Variants in PLAAT5 observed in about 807,000 individuals in gnomAD.
The protein encoded by PLAAT5 is phospholipase A and acyltransferase 5.
A neutral mutation model predicts 27.8 loss-of-function variants in PLAAT5; 27 were observed. The ratio of observed to expected loss-of-function variants is 0.97; its 90% confidence interval spans 0.72 to 1.34. The LOEUF (loss-of-function observed/expected upper bound fraction) is 1.34. PLAAT5 is among the 40% of genes most tolerant of loss of function. The pLI is 0.00. For synonymous variants in PLAAT5, 125 were observed against 136.1 expected (o/e 0.92, Z 0.57); for missense variants, 368 against 343.8 (o/e 1.07, Z -0.56).
At chr11:63,475,786 T>A (rs2016139360) in intron 3 of PLAAT5, among the ~76,000 whole-genome samples, 1 of 152,066 alleles carries the variant, frequency 6.6e-6, no homozygotes, top group African/African-American at 2.4e-5. Context: ...ATAGTTTTCT[T>A]TGTGGTTGCT....
chr11:63,491,015 G>A lies in PLAAT5; in HGVS notation c.20C>T (p.Ala7Val). 1 of 1,510,412 alleles carries A rather than the reference G, an allele frequency of 6.6e-7. No homozygotes were observed. The highest frequency in any genetic ancestry group is 8.9e-7 in the Non-Finnish European group (1 of 1,129,146). The allele number at this position is 1,510,412 out of a possible 1,614,324, so 93.6% of individuals were successfully genotyped here. A position where few individuals can be genotyped will look rare whatever the true frequency, so the allele number is the denominator to read the frequency against. The change falls in exon 1 of 6, where the codon GCC (alanine) becomes GTC (valine). Residue 7 changes from alanine (A) to valine (V), a missense_variant. Coordinates refer to ENST00000540857, the MANE Select transcript of PLAAT5 (RefSeq NM_001146729.2). MGLSPG[A>V]EGEYALRLPR... The stretch of plus-strand genomic sequence containing the variant: ...GAGGCGGAGCGCGTACTCCCCCTCG[G>A]CGCCCGGGCTCAGGCCCATCCCGCC...
Position 63,476,606 on chromosome 11 carries a change from A to G in PLAAT5, c.346-8141T>C, listed in dbSNP as rs980140070. Among the ~76,000 whole-genome samples the G allele has an allele frequency of 3.9e-5, 6 of 152,086 alleles. No individual in the cohort carries two copies. The East Asian group carries it at 1.2e-3, about 29-fold the overall frequency. On this transcript the variant is annotated intron_variant, in intron 3 of 5. Transcript: ENST00000540857. Reference sequence around the variant, plus strand: ...TTTTTATTGTGCATCTCTTGTATACAATAAGTCTTTTTTTCTCTTGCTGTT... The same window carrying G: ...TTTTTATTGTGCATCTCTTGTATACGATAAGTCTTTTTTTCTCTTGCTGTT...
rs1253671197 is a variant in PLAAT5, at chr11:63,461,417, T to C, written c.*2086A>G. On this transcript the variant is annotated 3_prime_UTR_variant, in exon 6 of 6. Transcript: ENST00000540857. Reference sequence around the variant, plus strand: ...AATAAGCACACAAACAAGTGACTAGTGTTTAATCTCAGAAACATTTGCATT... The same window carrying C: ...AATAAGCACACAAACAAGTGACTAGCGTTTAATCTCAGAAACATTTGCATT... 6.6e-6 allele frequency: 1 copy of C among 152,160 alleles called. No homozygotes were observed. The highest frequency in any genetic ancestry group is 2.4e-5 in the African/African-American group (1 of 41,434). 9.4% of individuals were successfully genotyped at this position (152,160 alleles called of 1,614,324 possible).
intron 3 of PLAAT5, among the ~76,000 whole-genome samples, chr11:63,480,891 C>T (rs1468430551): frequency 6.6e-6 from 1 of 152,164 alleles, no homozygotes; most frequent in Non-Finnish European, 1.5e-5. Flanking sequence ...GATTTTGCTG[C>T]CCTGTTTGCC....
chr11:63,490,425 G>A, intron 1 of PLAAT5, 92 bp from the exon 2 acceptor site: 1 of 1,600,624 alleles, frequency 6.2e-7, no homozygotes, highest in Non-Finnish European at 8.5e-7. Context: ...CAGAGCTCTA[G>A]TCTAGCATCG....
intron 4 of PLAAT5, among the ~76,000 whole-genome samples, chr11:63,467,830 T>C (rs1324180991): frequency 1.3e-5 from 2 of 152,214 alleles, no homozygotes; most frequent in African/African-American, 4.8e-5. Flanking sequence ...CAGCCATATG[T>C]TAAGCAGCTG....
At chr11:63,486,515 T>C (rs2016438546) in intron 3 of PLAAT5, among the ~76,000 whole-genome samples, 1 of 152,080 alleles carries the variant, frequency 6.6e-6, no homozygotes, top group Non-Finnish European at 1.5e-5. Flanking sequence ...CACAGCAACC[T>C]GGATAGAGCT....
chr11:63,465,377 T>C (rs1308723484), intron 5 of PLAAT5, among the ~76,000 whole-genome samples: 1 of 122,048 alleles, frequency 8.2e-6, no homozygotes. Context: ...AAAAAGTGTG[T>C]GTGTGTGTGT....
At chr11:63,473,927 G>A (rs2016092109) in intron 3 of PLAAT5, among the ~76,000 whole-genome samples, 1 of 151,960 alleles carries the variant, frequency 6.6e-6, no homozygotes. Flanking sequence ...TCAAACTCCT[G>A]ACCTCAACTG....
At chr11:63,469,130 G>T (rs923159381) in intron 3 of PLAAT5, among the ~76,000 whole-genome samples, 2 of 146,596 alleles carry the variant, frequency 1.4e-5, no homozygotes, top group Non-Finnish European at 3.0e-5. Context: ...GTGTGTGTGT[G>T]TGTGTGTGTG....
intron 3 of PLAAT5, among the ~76,000 whole-genome samples, chr11:63,485,394 T>C (rs116275285): frequency 0.017 from 2,627 of 152,218 alleles, 77 homozygotes; most frequent in African/African-American, 0.06. Context: ...TGCAAGGCTA[T>C]AGTTACCAAA....
chr11:63,464,520 G>A (rs2015802896), intron 5 of PLAAT5, among the ~76,000 whole-genome samples: 1 of 152,048 alleles, frequency 6.6e-6, no homozygotes, highest in African/African-American at 2.4e-5. Context: ...GCTGGGCATG[G>A]TGGCGTGCAC....
intron 2 of PLAAT5, 99 bp downstream of exon 2, chr11:63,490,144 C>T: frequency 1.3e-6 from 2 of 1,549,614 alleles, no homozygotes; most frequent in Non-Finnish European, 1.8e-6. Flanking sequence ...CTGGTTCACA[C>T]AAAAACCACC....
chr11:63,474,351 A>T (rs2120266394), intron 3 of PLAAT5, among the ~76,000 whole-genome samples: 1 of 152,254 alleles, frequency 6.6e-6, no homozygotes, highest in South Asian at 2.1e-4. Context: ...TTGTGAAAAG[A>T]TTTTTATTTA....
chr11:63,479,805 C>T lies in PLAAT5; in HGVS notation c.345+9066G>A, dbSNP rs540049734. ...AGATGAACAAGAAGTGAAGAACAGG[C>T]GCCAGAGCTCAAATCAATCCAACTC... On this transcript the variant is annotated intron_variant, in intron 3 of 5. Coordinates refer to ENST00000540857, the MANE Select transcript of PLAAT5 (RefSeq NM_001146729.2). 6.8e-4 allele frequency among the ~76,000 whole-genome samples: 103 copies of T among 152,276 alleles called. 1 individual carries two copies. Among genetic ancestry groups the T allele is most frequent in the African/African-American group, 2.3e-3 (97 of 41,554 alleles).
At chr11:63,467,754 C>T (rs984636044) in intron 4 of PLAAT5, among the ~76,000 whole-genome samples, 2 of 152,162 alleles carry the variant, frequency 1.3e-5, no homozygotes, top group Non-Finnish European at 1.5e-5. Context: ...TGTACTCTTC[C>T]TCTACTATCA....
At chr11:63,466,941 A>C (rs915209476) in intron 4 of PLAAT5, among the ~76,000 whole-genome samples, 1 of 152,182 alleles carries the variant, frequency 6.6e-6, no homozygotes, top group African/African-American at 2.4e-5. Context: ...GTATGTTTGA[A>C]AACAGGGTTC....
chr11:63,464,999 C>T (rs940207504), intron 5 of PLAAT5, among the ~76,000 whole-genome samples: 3 of 152,084 alleles, frequency 2.0e-5, no homozygotes, highest in African/African-American at 7.2e-5. Context: ...AAGCTGAGGG[C>T]CAGGCTCAGT....
At position 63,463,544 on chromosome 11, in the gene PLAAT5, C is replaced by G; in HGVS notation, c.769G>C (p.Ala257Pro). The G allele has an allele frequency of 6.2e-7, 1 of 1,613,894 alleles. No homozygotes were observed. Among genetic ancestry groups the G allele is most frequent in the Non-Finnish European group, 8.5e-7 (1 of 1,180,012 alleles). ...GAKAAGAVIS[A>P]VVDSIKPKPI... is the part of the protein sequence containing the mutation. ...TTGGGCTTTATGCTATCCACTACAG[C>G]TGAAATAACTGCTCCAGCAGCCTTC... Residue 257 changes from alanine to proline, a missense_variant, in exon 6 of 6, where the codon GCT becomes CCT. Coordinates refer to ENST00000540857, the MANE Select transcript of PLAAT5 (RefSeq NM_001146729.2).
Sources: gnomAD v4.1 joint callset for allele counts (sites outside exome capture counted in the v4.1 genomes callset) on GRCh38, gnomAD v4.1.1 for gene constraint, MANE v1.5 for transcripts, NCBI Gene and HGNC (gene_info 2026-07-23, HGNC 2026-07-21) for gene names.